Variants in AKT3 observed in about 807,000 individuals in gnomAD.
AKT3 encodes AKT serine/threonine kinase 3.
In AKT3, 15 loss-of-function variants were observed where a neutral mutation model predicts 65.3. The observed-to-expected ratio is 0.23, with a 90% CI of 0.15 to 0.35. AKT3 has a LOEUF of 0.35. AKT3 is among the 10% of genes least tolerant of loss of function. The probability of loss-of-function intolerance (pLI) is 1.00; values close to 1 mark genes in which losing one functional copy is unlikely to be tolerated. For synonymous variants in AKT3, 206 were observed against 183.8 expected (o/e 1.12, Z -0.98); for missense variants, 243 against 576.5 (o/e 0.42, Z 5.92).
intron 2 of AKT3, among the ~76,000 whole-genome samples, chr1:243,828,385 T>C (rs896055059): frequency 1.3e-5 from 2 of 152,146 alleles, no homozygotes; most frequent in Admixed American, 6.5e-5. Context: ...AAGCCAGGAT[T>C]TGGAATTCAG....
chr1:243,637,948 G>C (rs988697475), intron 5 of AKT3, among the ~76,000 whole-genome samples: 1 of 151,994 alleles, frequency 6.6e-6, no homozygotes, highest in Non-Finnish European at 1.5e-5. Context: ...TCAGATGTTG[G>C]AGAAAATGAT....
rs1253233528 is a variant in AKT3, at chr1:243,850,103, C to CG, written c.-177dup. The CG allele has an allele frequency of 0.16, 11,036 of 70,554 alleles. 554 individuals are homozygous for CG. Among genetic ancestry groups the CG allele is most frequent in the Middle Eastern group, 0.31 (52 of 170 alleles). The allele number at this position is 70,554 out of a possible 1,614,324, so 4.4% of individuals were successfully genotyped here. A position where few individuals can be genotyped will look rare whatever the true frequency, so the allele number is the denominator to read the frequency against. The stretch of plus-strand genomic sequence containing the variant: ...CTCGGGCGGCGGCGGAGGATGGAGC[C>CG]GGGGGGGGGCGGGGGGAGGAGAGGG... On this transcript the variant is annotated 5_prime_UTR_variant, in exon 1 of 14. Coordinates refer to ENST00000673466, the MANE Select transcript of AKT3 (RefSeq NM_005465.7).
chr1:243,733,804 G>C (rs1329225929), intron 2 of AKT3, among the ~76,000 whole-genome samples: 1 of 152,122 alleles, frequency 6.6e-6, no homozygotes, highest in Non-Finnish European at 1.5e-5. Flanking sequence ...TGCTAAAAAT[G>C]CTAATCAAGT....
chr1:243,675,063 T>TA (rs1270845967), intron 3 of AKT3, among the ~76,000 whole-genome samples: 3 of 152,196 alleles, frequency 2.0e-5, no homozygotes, highest in Non-Finnish European at 4.4e-5. Context: ...AGAAGTAACT[T>TA]ACAACTTAAA....
chr1:243,642,529 T>TC (rs1680500822), intron 5 of AKT3, among the ~76,000 whole-genome samples: 2 of 152,188 alleles, frequency 1.3e-5, no homozygotes, highest in Non-Finnish European at 2.9e-5. Context: ...CAGGATGGTC[T>TC]CGATCTCCTG....
chr1:243,767,484 C>T (rs1689904737), intron 2 of AKT3, among the ~76,000 whole-genome samples: 1 of 151,680 alleles, frequency 6.6e-6, no homozygotes, highest in Admixed American at 6.6e-5. Flanking sequence ...ATAAACATAC[C>T]TAATATTTAT....
At chr1:243,533,438 C>A (rs553113498) in intron 12 of AKT3, among the ~76,000 whole-genome samples, 1 of 152,134 alleles carries the variant, frequency 6.6e-6, no homozygotes, top group Admixed American at 6.5e-5. Flanking sequence ...ATATTCTACA[C>A]AAGAGCAAAG....
At chr1:243,714,722 C>G (rs1686394529) in intron 2 of AKT3, among the ~76,000 whole-genome samples, 1 of 151,930 alleles carries the variant, frequency 6.6e-6, no homozygotes, top group Admixed American at 6.6e-5. Flanking sequence ...TTTTTTAAAT[C>G]TAAACATAAA....
rs144266097 is a variant in AKT3 at position 243,588,540 on chromosome 1, A to G, written c.697-15492T>C. 2.0e-3 allele frequency among the ~76,000 whole-genome samples: 306 copies of G among 152,320 alleles called. 1 individual carries two copies. The highest frequency in any genetic ancestry group is 7.0e-3 in the African/African-American group (293 of 41,574). On this transcript the variant is annotated intron_variant, in intron 8 of 13. Transcript: ENST00000673466. Reference sequence around the variant, plus strand: ...AATCCAGTAACTCACGTAAAACTCAAATTATCTAATCAATGGAAGAGAATC... The same window carrying G: ...AATCCAGTAACTCACGTAAAACTCAGATTATCTAATCAATGGAAGAGAATC...
intron 3 of AKT3, among the ~76,000 whole-genome samples, chr1:243,694,683 AG>A (rs1168259143): frequency 1.3e-5 from 2 of 152,018 alleles, no homozygotes; most frequent in African/African-American, 4.8e-5. Context: ...GAGTAAAAAA[AG>A]ATCACGGCTT....
At chr1:243,666,398 T>C (rs376180553) in intron 3 of AKT3, among the ~76,000 whole-genome samples, 19 of 152,298 alleles carry the variant, frequency 1.2e-4, no homozygotes, top group African/African-American at 4.6e-4. Context: ...TTTTCAGCAA[T>C]CATCTCTCAG....
chr1:243,796,144 A>G (rs976615651), intron 2 of AKT3, among the ~76,000 whole-genome samples: 4 of 152,218 alleles, frequency 2.6e-5, no homozygotes, highest in Non-Finnish European at 5.9e-5. Context: ...CTACCTGTCC[A>G]TCTGCTTATT....
At chr1:243,831,858 A>G (rs1279108022) in intron 2 of AKT3, among the ~76,000 whole-genome samples, 2 of 152,092 alleles carry the variant, frequency 1.3e-5, no homozygotes, top group African/African-American at 4.8e-5. Context: ...ATCTATTCCT[A>G]AACGTCAAGA....
chr1:243,535,866 C>T (rs190463908), intron 12 of AKT3, among the ~76,000 whole-genome samples: 43 of 152,204 alleles, frequency 2.8e-4, no homozygotes, highest in African/African-American at 7.2e-4. Context: ...CCCTTTTTAC[C>T]GCATCTACAT....
intron 2 of AKT3, among the ~76,000 whole-genome samples, chr1:243,752,794 G>C (rs1181527887): frequency 1.3e-5 from 2 of 152,118 alleles, no homozygotes; most frequent in Non-Finnish European, 2.9e-5. Flanking sequence ...TCTATTAACA[G>C]TACTAGTTAG....
chr1:243,563,587 C>T, intron 10 of AKT3, 133 bp downstream of exon 10: 1 of 1,120,486 alleles, frequency 8.9e-7, no homozygotes, highest in Non-Finnish European at 1.2e-6. Flanking sequence ...AAATTAAGAG[C>T]CAAAAAATTT....
At chr1:243,830,672 A>G (rs1694451130) in intron 2 of AKT3, among the ~76,000 whole-genome samples, 1 of 152,166 alleles carries the variant, frequency 6.6e-6, no homozygotes, top group Non-Finnish European at 1.5e-5. Context: ...AGTAGAAAAG[A>G]TTCTTCTTAT....
chr1:243,797,678 GGGGA>G (rs1402528753), intron 2 of AKT3, among the ~76,000 whole-genome samples: 9 of 152,040 alleles, frequency 5.9e-5, no homozygotes, highest in Non-Finnish European at 1.0e-4. Flanking sequence ...GTTAAACAGT[GGGGA>G]AGGTATAGAT....
At chr1:243,525,408 A>T (rs1670978116) in intron 12 of AKT3, among the ~76,000 whole-genome samples, 1 of 152,074 alleles carries the variant, frequency 6.6e-6, no homozygotes, top group African/African-American at 2.4e-5. Context: ...AGAAAAAGAC[A>T]TCAAAGGAAA....
Sources: gnomAD v4.1 joint callset for allele counts (sites outside exome capture counted in the v4.1 genomes callset) on GRCh38, gnomAD v4.1.1 for gene constraint, MANE v1.5 for transcripts, NCBI Gene and HGNC (gene_info 2026-07-23, HGNC 2026-07-21) for gene names.